SDK1: variants seen among roughly 807,000 people sequenced by gnomAD.
The protein encoded by SDK1 is sidekick cell adhesion molecule 1.
Under a neutral mutation model 245.5 loss-of-function variants are expected in SDK1, and 157 were observed. The ratio of observed to expected loss-of-function variants is 0.64; its 90% CI spans 0.56 to 0.73. The LOEUF (loss-of-function observed/expected upper bound fraction) is 0.73. Among genes scored for constraint, SDK1 ranks in the 30% least tolerant of loss-of-function variants. The probability of loss-of-function intolerance (pLI) is 0.00; values close to 1 mark genes in which losing one functional copy is unlikely to be tolerated. For synonymous variants in SDK1, 1,647 were observed against 1,278.5 expected, an observed-to-expected ratio of 1.29 and a Z score of -6.15; for missense variants, 3,583 against 3,002.3, an observed-to-expected ratio of 1.19 and a Z score of -4.52.
intron 44 of SDK1, among the ~76,000 whole-genome samples, chr7:4,261,751 C>T (rs542780347): frequency 2.0e-5 from 3 of 152,108 alleles, no homozygotes; most frequent in African/African-American, 7.2e-5. Flanking sequence ...TCCCTTGATA[C>T]CCTCTGGGGA....
At chr7:3,803,603 G>A (rs577459224) in intron 4 of SDK1, among the ~76,000 whole-genome samples, 2 of 152,000 alleles carry the variant, frequency 1.3e-5, no homozygotes, top group South Asian at 2.1e-4. Context: ...GAGCCACTGC[G>A]CCTGTTACAC....
At position 3,523,989 on chromosome 7, in the gene SDK1, C is replaced by A. The variant is rs964578398; in HGVS notation, c.299-95091C>A. Among the ~76,000 whole-genome samples, 5 of 152,168 alleles carry A rather than the reference C, an allele frequency of 3.3e-5. 1 individual carries two copies. Among genetic ancestry groups the A allele is most frequent in the Admixed American group, 3.3e-4 (5 of 15,278 alleles). ...GGATCCTTGATCCTGGCCTGTGATT[C>A]CATCTCAGGAGTTAGAAGCCTGTGG... On this transcript the variant is annotated intron_variant, in intron 1 of 44. Transcript: ENST00000404826.
intron 1 of SDK1, among the ~76,000 whole-genome samples, chr7:3,529,297 A>G (rs1201896491): frequency 1.3e-5 from 2 of 152,200 alleles, no homozygotes; most frequent in African/African-American, 4.8e-5. Context: ...TCTGGTTTGT[A>G]AATTCCATCC....
At chr7:3,625,697 A>G (rs1782094787) in intron 2 of SDK1, among the ~76,000 whole-genome samples, 1 of 152,228 alleles carries the variant, frequency 6.6e-6, no homozygotes, top group Non-Finnish European at 1.5e-5. Context: ...GCTGATAAAT[A>G]TGGGTCCCAT....
intron 4 of SDK1, among the ~76,000 whole-genome samples, chr7:3,737,930 T>C (rs900560973): frequency 3.9e-5 from 6 of 152,222 alleles, no homozygotes; most frequent in Non-Finnish European, 8.8e-5. Context: ...AATGAAACTT[T>C]TCTTGGTTTC....
chr7:4,152,267 G>T (rs146857473), intron 30 of SDK1, among the ~76,000 whole-genome samples: 3 of 152,178 alleles, frequency 2.0e-5, no homozygotes, highest in African/African-American at 7.2e-5. Flanking sequence ...AACTCGAGGG[G>T]CACAGCTCTC....
intron 4 of SDK1, among the ~76,000 whole-genome samples, chr7:3,765,358 C>T (rs535799738): frequency 1.3e-5 from 2 of 152,132 alleles, no homozygotes; most frequent in Non-Finnish European, 2.9e-5. Flanking sequence ...ACAGTATTTG[C>T]ATCCTTACCA....
intron 14 of SDK1, among the ~76,000 whole-genome samples, chr7:3,993,333 A>G (rs1784483615): frequency 6.6e-6 from 1 of 152,184 alleles, no homozygotes; most frequent in African/African-American, 2.4e-5. Flanking sequence ...AGTTATCAAG[A>G]AAAATTAAGT....
chr7:3,946,234 G>C (rs1210463397), intron 5 of SDK1, among the ~76,000 whole-genome samples: 2 of 151,986 alleles, frequency 1.3e-5, no homozygotes, highest in African/African-American at 4.8e-5. Flanking sequence ...CTGGAGTGCA[G>C]TGGTGTGATC....
At chr7:3,729,043 C>T (rs764233467) in intron 4 of SDK1, among the ~76,000 whole-genome samples, 1 of 152,136 alleles carries the variant, frequency 6.6e-6, no homozygotes, top group Admixed American at 6.5e-5. Flanking sequence ...CGATTAGGTG[C>T]TGATTGTGTG....
At chr7:3,956,883 C>T (rs1192067962) in intron 7 of SDK1, among the ~76,000 whole-genome samples, 1 of 152,164 alleles carries the variant, frequency 6.6e-6, no homozygotes, top group African/African-American at 2.4e-5. Flanking sequence ...GTCTCCCTGA[C>T]CCCAGCGAGG....
At chr7:3,337,480 G>C (rs1367971786) in intron 1 of SDK1, among the ~76,000 whole-genome samples, 1 of 151,814 alleles carries the variant, frequency 6.6e-6, no homozygotes, top group African/African-American at 2.4e-5. Flanking sequence ...AAAATCTGAA[G>C]AAATAATCTG....
chr7:4,127,568 C>G, intron 26 of SDK1, 72 bp downstream of exon 26: 1 of 1,099,058 alleles, frequency 9.1e-7, no homozygotes, highest in Admixed American at 1.8e-5. Context: ...TGCTATTCCC[C>G]CAAAGCAACG....
At chr7:3,850,467 G>C (rs183743638) in intron 5 of SDK1, among the ~76,000 whole-genome samples, 2 of 152,126 alleles carry the variant, frequency 1.3e-5, no homozygotes, top group East Asian at 3.9e-4. Context: ...CAAGGATCTA[G>C]AACTAGAAAT....
At chr7:3,792,631 C>T (rs930516170) in intron 4 of SDK1, among the ~76,000 whole-genome samples, 72 of 151,448 alleles carry the variant, frequency 4.8e-4, no homozygotes, top group Non-Finnish European at 8.1e-4. Context: ...TCCATCCATC[C>T]ATCCATCCAT....
chr7:4,113,145 G>C, intron 23 of SDK1, 144 bp from the exon 24 acceptor site: 2 of 861,642 alleles, frequency 2.3e-6, no homozygotes, highest in South Asian at 3.4e-5. Flanking sequence ...GTGAAAAGAG[G>C]GTGTCCTTGA....
intron 30 of SDK1, among the ~76,000 whole-genome samples, chr7:4,154,447 T>C (rs536461769): frequency 5.3e-5 from 8 of 152,264 alleles, no homozygotes; most frequent in Non-Finnish European, 8.8e-5. Flanking sequence ...TGAGTTTGTA[T>C]GTGGAGATTT....
At chr7:4,214,822 C>T (rs572954846) in intron 38 of SDK1, among the ~76,000 whole-genome samples, 81 of 152,342 alleles carry the variant, frequency 5.3e-4, no homozygotes, top group African/African-American at 1.8e-3. Context: ...CTGGCTCTGA[C>T]TAAGCCATGG....
intron 8 of SDK1, among the ~76,000 whole-genome samples, chr7:3,962,170 A>G (rs575136037): frequency 9.2e-5 from 14 of 152,250 alleles, no homozygotes; most frequent in Non-Finnish European, 1.6e-4. Context: ...CATGTGAGGA[A>G]ACAGACAAAG....
Sources: allele counts gnomAD v4.1 joint callset (sites outside exome capture counted in the v4.1 genomes callset), GRCh38; gene constraint gnomAD v4.1.1; transcripts MANE v1.5; gene names NCBI Gene and HGNC (gene_info 2026-07-23, HGNC 2026-07-21).